Variants in SEMA4F observed in about 807,000 individuals in gnomAD.
SEMA4F encodes the protein semaphorin-4F.
In SEMA4F, 51 loss-of-function variants were observed where a neutral mutation model predicts 78.4. The observed-to-expected ratio is 0.65, with a 90% confidence interval of 0.52 to 0.82. SEMA4F has a LOEUF of 0.82. Ranked by LOEUF, SEMA4F falls within the 40% of genes least tolerant of loss-of-function variation. SEMA4F has a pLI of 0.00. For synonymous variants in SEMA4F, 418 were observed against 408.7 expected, an observed-to-expected ratio of 1.02 and a Z score of -0.27; for missense variants, 938 against 1,014.4, an observed-to-expected ratio of 0.92 and a Z score of 1.02.
chr2:74,700,753 A>T, the SEMA4F span, among the ~76,000 whole-genome samples: 2 of 152,166 alleles, frequency 1.3e-5, no homozygotes, highest in Non-Finnish European at 2.9e-5. Flanking sequence ...GGTTCCAGAG[A>T]CCATGTTCTT....
At chr2:74,655,981 T>TA (rs1558715713) in intron 1 of SEMA4F, among the ~76,000 whole-genome samples, 1 of 152,104 alleles carries the variant, frequency 6.6e-6, no homozygotes, top group African/African-American at 2.4e-5. Context: ...TTTAAATAGA[T>TA]ACGAATTTTG....
chr2:74,657,827 T>G (rs1216677912), intron 3 of SEMA4F, 26 bp from the exon 4 acceptor site: 4 of 1,603,980 alleles, frequency 2.5e-6, no homozygotes, highest in African/African-American at 1.3e-5. Context: ...TGCTTCTGAT[T>G]CTTTCTAACC....
the SEMA4F span, among the ~76,000 whole-genome samples, chr2:74,692,398 A>AGGTCCCAAGAGACCG: frequency 6.6e-6 from 1 of 152,224 alleles, no homozygotes; most frequent in South Asian, 2.1e-4. Context: ...GGGACATTTA[A>AGGTCCCAAGAGACCG]GGTCCCAAGA....
intron 1 of SEMA4F, among the ~76,000 whole-genome samples, chr2:74,655,100 G>A (rs1684058789): frequency 1.3e-5 from 2 of 151,910 alleles, no homozygotes; most frequent in Non-Finnish European, 2.9e-5. Flanking sequence ...AGCCCTTCCC[G>A]CTCCCCTGAC....
chr2:74,683,959 G>A (rs1685749927), downstream of SEMA4F: 1 of 152,174 alleles, frequency 6.6e-6, no homozygotes, highest in Admixed American at 6.5e-5. Flanking sequence ...ATAGAGCAGA[G>A]TAGCTGTAAA....
chr2:74,709,170 T>C, the SEMA4F span, among the ~76,000 whole-genome samples: 1 of 152,050 alleles, frequency 6.6e-6, no homozygotes, highest in African/African-American at 2.4e-5. Context: ...TGAAAAGAAA[T>C]CCATGACAAA....
intron 5 of SEMA4F, among the ~76,000 whole-genome samples, chr2:74,663,209 T>G (rs1684515798): frequency 1.3e-5 from 2 of 152,234 alleles, no homozygotes; most frequent in Non-Finnish European, 2.9e-5. Flanking sequence ...CCAAAAGAAC[T>G]TTATGTAATG....
Position 74,679,744 on chromosome 2 carries a change from G to C in SEMA4F, c.1848G>C (p.Val616=), listed in dbSNP as rs780972061. 1.9e-6 allele frequency: 3 copies of C among 1,614,192 alleles called. No individual in the cohort carries two copies. The highest frequency in any genetic ancestry group is 8.5e-7 in the Non-Finnish European group (1 of 1,180,046). ...CCCCCCGGCGGGATGGACTGGAGGT[G>C]GTGGTGACCCCAGGGGCCATGGGCG... ...ALTPRRDGLE[V]VVTPGAMGAY... Residue 616 remains valine, a synonymous_variant, in exon 14 of 14, where the codon GTG becomes GTC. Coordinates refer to ENST00000357877, the MANE Select transcript of SEMA4F (RefSeq NM_004263.5).
intron 5 of SEMA4F, among the ~76,000 whole-genome samples, chr2:74,663,928 C>T (rs1684554851): frequency 6.6e-6 from 1 of 152,210 alleles, no homozygotes; most frequent in South Asian, 2.1e-4. Context: ...CTTTGTTGCT[C>T]AGGGGAGTCA....
chr2:74,700,064 C>T, the SEMA4F span, among the ~76,000 whole-genome samples: 74 of 151,982 alleles, frequency 4.9e-4, no homozygotes, highest in Non-Finnish European at 9.1e-4. Context: ...GGAAGATATG[C>T]GGAGAATGGG....
chr2:74,680,134 TG>T lies in SEMA4F; in HGVS notation c.2239del (p.Asp747IlefsTer11), dbSNP rs1310042423. On this transcript the variant is annotated frameshift_variant, in exon 14 of 14. Transcript: ENST00000357877. LOFTEE classifies it high-confidence loss of function. ...FGGFSPPFLL[D>X]PCPSPAHIRL... is the part of the protein sequence containing the mutation. ...GTGGATTCTCACCACCCTTCCTGCTTGATCCTTGCCCAAGCCCAGCCCACAT... is the reference window on the plus strand; with the variant it reads ...GTGGATTCTCACCACCCTTCCTGCTTATCCTTGCCCAAGCCCAGCCCACAT... 1.9e-6 allele frequency: 3 copies of T among 1,610,576 alleles called. No individual in the cohort carries two copies. Among genetic ancestry groups the T allele is most frequent in the Non-Finnish European group, 2.5e-6 (3 of 1,177,254 alleles).
At chr2:74,669,889 G>GT (rs538007307) in intron 5 of SEMA4F, among the ~76,000 whole-genome samples, 169 of 151,276 alleles carry the variant, frequency 1.1e-3, no homozygotes, top group Middle Eastern at 3.4e-3. Context: ...AAATATCTTA[G>GT]TTTTTTTTGC....
chr2:74,659,787 C>G (rs752222295), intron 4 of SEMA4F, among the ~76,000 whole-genome samples: 8 of 152,178 alleles, frequency 5.3e-5, no homozygotes, highest in Non-Finnish European at 8.8e-5. Flanking sequence ...CTCTCATGTC[C>G]TAGACTGATG....
chr2:74,701,588 C>T, the SEMA4F span, among the ~76,000 whole-genome samples: 1 of 150,836 alleles, frequency 6.6e-6, no homozygotes, highest in Non-Finnish European at 1.5e-5. Flanking sequence ...CTCCGTGAGT[C>T]CCTCCCCCAA....
intron 13 of SEMA4F, 126 bp downstream of exon 13, chr2:74,679,460 G>T (rs1685467623): frequency 2.7e-6 from 4 of 1,476,552 alleles, no homozygotes; most frequent in African/African-American, 1.4e-5. Context: ...GGAACCTCGG[G>T]CCTTAGCCTC....
chr2:74,655,667 C>G (rs1424223699), intron 1 of SEMA4F, among the ~76,000 whole-genome samples: 1 of 152,158 alleles, frequency 6.6e-6, no homozygotes, highest in Middle Eastern at 3.2e-3. Flanking sequence ...GATGTCCAGG[C>G]ATCCAGAGAT....
the SEMA4F span, among the ~76,000 whole-genome samples, chr2:74,695,433 C>T: frequency 6.6e-6 from 1 of 152,216 alleles, no homozygotes; most frequent in Non-Finnish European, 1.5e-5. Context: ...TTGCCTTTTT[C>T]TCTCCAAATG....
Position 74,674,535 on chromosome 2 carries a change from GGAC to G in SEMA4F, c.865_867del (p.Thr289del), listed in dbSNP as rs1419977148. On this transcript the variant is annotated inframe_deletion, in exon 8 of 14. Coordinates refer to ENST00000357877, the MANE Select transcript of SEMA4F (RefSeq NM_004263.5). Reference sequence around the variant, plus strand: ...GGCCGGAAGACCCTCCAGCAGAGATGGACGACGTTTTTGAAAGCTGACCTGCTC... The same window carrying G: ...GGCCGGAAGACCCTCCAGCAGAGATGGACGTTTTTGAAAGCTGACCTGCTC... 1.9e-6 allele frequency: 3 copies of G among 1,613,934 alleles called. No homozygotes were observed. The highest frequency in any genetic ancestry group is 2.5e-6 in the Non-Finnish European group (3 of 1,180,010).
intron 5 of SEMA4F, among the ~76,000 whole-genome samples, chr2:74,670,843 C>T (rs1186348432): frequency 6.6e-6 from 1 of 152,298 alleles, no homozygotes; most frequent in East Asian, 1.9e-4. Flanking sequence ...GTTTTTCTTT[C>T]CTGAAATTTT....
Sources: gnomAD v4.1 joint callset for allele counts (sites outside exome capture counted in the v4.1 genomes callset) on GRCh38, gnomAD v4.1.1 for gene constraint, MANE v1.5 for transcripts, NCBI Gene and HGNC (gene_info 2026-07-23, HGNC 2026-07-21) for gene names.